Variants in SEC23B observed in about 807,000 individuals in gnomAD.
The protein encoded by SEC23B is SEC23 homolog B, COPII component.
Under a neutral mutation model 104.3 loss-of-function variants are expected in SEC23B, and 77 were observed. That is an observed-to-expected ratio of 0.74 (90% CI 0.61 to 0.89). SEC23B has a LOEUF of 0.89. Among genes scored for constraint, SEC23B ranks in the 40% least tolerant of loss-of-function variants. The probability of loss-of-function intolerance (pLI) is 0.00; values close to 1 mark genes in which losing one functional copy is unlikely to be tolerated. For synonymous variants in SEC23B, 338 were observed against 332.5 expected, an observed-to-expected ratio of 1.02 and a Z score of -0.18; for missense variants, 885 against 949.4, an observed-to-expected ratio of 0.93 and a Z score of 0.89.
chr20:18,550,280 G>C (rs1478308971), intron 16 of SEC23B, among the ~76,000 whole-genome samples: 1 of 151,860 alleles, frequency 6.6e-6, no homozygotes, highest in Non-Finnish European at 1.5e-5. Context: ...TCAGCCTCCT[G>C]AATAGCTGGG....
chr20:18,530,943 A>G (rs2060181819), intron 10 of SEC23B, 140 bp downstream of exon 10: 3 of 652,276 alleles, frequency 4.6e-6, no homozygotes, highest in South Asian at 3.8e-5. Context: ...GTACCTGGCC[A>G]TACTTTTAAA....
chr20:18,529,530 C>T (rs2060164364), intron 9 of SEC23B, among the ~76,000 whole-genome samples: 1 of 152,144 alleles, frequency 6.6e-6, no homozygotes, highest in African/African-American at 2.4e-5. Context: ...TTGCTTTCGT[C>T]ATCATTACGG....
At chr20:18,516,816 G>A (rs892162182) in intron 4 of SEC23B, among the ~76,000 whole-genome samples, 1 of 151,948 alleles carries the variant, frequency 6.6e-6, no homozygotes, top group African/African-American at 2.4e-5. Context: ...GCTTCCGAAA[G>A]TGCTGGGATT....
chr20:18,533,400 C>T (rs559504715), intron 11 of SEC23B, among the ~76,000 whole-genome samples: 3 of 152,302 alleles, frequency 2.0e-5, no homozygotes, highest in Admixed American at 6.5e-5. Context: ...ATGTTCTTCC[C>T]TCATTGTCAC....
rs1275129516 is a variant in SEC23B at position 18,542,412 on chromosome 20, C to A, written c.1511+10C>A. ...CCACCATCGCCCGAAAGTAAGCAGC[C>A]CCAGTTTCCTTTCTGTTGAGGAACT... On this transcript the variant is annotated intron_variant, in intron 13 of 19. Transcript: ENST00000650089. 2.5e-6 allele frequency: 4 copies of A among 1,608,074 alleles called. No homozygotes were observed. In the South Asian group the frequency reaches 4.4e-5, roughly 18 times the overall value.
intron 19 of SEC23B, among the ~76,000 whole-genome samples, chr20:18,559,443 T>A (rs531675950): frequency 1.3e-5 from 2 of 152,280 alleles, no homozygotes; most frequent in South Asian, 4.1e-4. Context: ...AACTTCCTGG[T>A]TCCATACTTA....
chr20:18,540,884 A>G (rs1294017273), intron 12 of SEC23B, among the ~76,000 whole-genome samples: 3 of 152,198 alleles, frequency 2.0e-5, no homozygotes, highest in African/African-American at 7.2e-5. Context: ...CACCAGCTGC[A>G]TTAGATCCTA....
intron 16 of SEC23B, among the ~76,000 whole-genome samples, chr20:18,550,473 A>T (rs991947685): frequency 1.3e-5 from 2 of 152,182 alleles, no homozygotes; most frequent in Admixed American, 1.3e-4. Flanking sequence ...TATATTTTGT[A>T]GTAAACTTTA....
At position 18,515,671 on chromosome 20, in the gene SEC23B, A is replaced by G. The variant is rs754320262; in HGVS notation, c.301A>G (p.Ile101Val). Residue 101 changes from isoleucine to valine, a missense_variant, in exon 4 of 20, where the codon ATA (isoleucine) becomes GTA (valine). Physicochemically the swap from Ile to Val is conservative, Grantham distance 29. Transcript: ENST00000650089. Reference protein sequence around the residue: ...RNQFPPAYGGISEVNQPAELM... With the variant: ...RNQFPPAYGGVSEVNQPAELM... ...TCAGTTTCCTCCAGCTTATGGAGGC[A>G]TATCTGAGGTGAATCAACCTGCCGA... is the stretch of plus-strand genomic sequence containing the variant. The G allele has an allele frequency of 1.3e-5, 21 of 1,609,744 alleles. No homozygotes were observed. In the East Asian group the frequency reaches 2.0e-4, roughly 15 times the overall value.
intron 14 of SEC23B, among the ~76,000 whole-genome samples, chr20:18,545,248 G>C (rs1251625450): frequency 6.6e-6 from 1 of 152,120 alleles, no homozygotes; most frequent in South Asian, 2.1e-4. Flanking sequence ...CCACAGTTAG[G>C]GGGAGGAGGA....
At chr20:18,538,736 A>G (rs1283819827) in intron 12 of SEC23B, among the ~76,000 whole-genome samples, 7 of 152,140 alleles carry the variant, frequency 4.6e-5, no homozygotes, top group Non-Finnish European at 2.9e-5. Context: ...TTTATGTAAT[A>G]TTGTAAATCT....
intron 19 of SEC23B, among the ~76,000 whole-genome samples, chr20:18,556,949 T>C (rs1333346757): frequency 1.3e-5 from 2 of 152,186 alleles, no homozygotes; most frequent in African/African-American, 4.8e-5. Context: ...TAAGCTGAGA[T>C]CACGCCACTG....
chr20:18,556,282 G>A (rs920280037), intron 19 of SEC23B, among the ~76,000 whole-genome samples: 1 of 152,152 alleles, frequency 6.6e-6, no homozygotes, highest in African/African-American at 2.4e-5. Context: ...TAAAGTGTAT[G>A]GGAGGGTATG....
intron 5 of SEC23B, 40 bp from the exon 6 acceptor site, chr20:18,524,895 G>GTCATTGGAAA: frequency 1.2e-6 from 2 of 1,600,052 alleles, no homozygotes; most frequent in Middle Eastern, 3.3e-4. Flanking sequence ...CACTTTTAGT[G>GTCATTGGAAA]TCATTGGAAA....
intron 8 of SEC23B, among the ~76,000 whole-genome samples, chr20:18,527,283 A>G (rs2060142260): frequency 6.6e-6 from 1 of 152,162 alleles, no homozygotes. Context: ...AATCCCAGCT[A>G]CTTGGGAGGC....
intron 6 of SEC23B, 116 bp from the exon 7 acceptor site, chr20:18,525,672 C>T: frequency 9.1e-7 from 1 of 1,102,956 alleles, no homozygotes; most frequent in Non-Finnish European, 1.4e-6. Flanking sequence ...AAAAAATTAC[C>T]AGTCAGTTAC....
In SEC23B at chr20:18,510,957, T is replaced by C. The variant is rs1476002193; in HGVS notation, c.122T>C (p.Leu41Pro). The change falls in exon 2 of 20, where the codon CTC becomes CCC. Residue 41 changes from leucine to proline, a missense_variant. Transcript: ENST00000650089. ...ATRMVVPLAC[L>P]LTPLKERPDL... ...AGAATGGTTGTACCCCTGGCTTGTC[T>C]CCTTACTCCTTTGAAAGAACGTCCA... The C allele has an allele frequency of 1.9e-6, 3 of 1,614,044 alleles. No homozygotes were observed. Among genetic ancestry groups the C allele is most frequent in the Non-Finnish European group, 2.5e-6 (3 of 1,180,012 alleles).
rs1229685001 is a variant in SEC23B at position 18,525,800 on chromosome 20, T to C, written c.702T>C (p.Pro234=). Residue 234 remains proline, a synonymous_variant, in exon 7 of 20, where the codon CCT becomes CCC. Transcript: ENST00000650089. Reference sequence around the variant, plus strand: ...TAAAATCTTGCAGATTTCTGCAGCCTGTTCACAAGATTGATATGAACCTCA... The same window carrying C: ...TAAAATCTTGCAGATTTCTGCAGCCCGTTCACAAGATTGATATGAACCTCA... ...HPFASSRFLQ[P]VHKIDMNLTD... is the part of the protein sequence containing the mutation. 6.2e-7 allele frequency: 1 copy of C among 1,614,114 alleles called. No homozygotes were observed. Among genetic ancestry groups the C allele is most frequent in the Non-Finnish European group, 8.5e-7 (1 of 1,180,044 alleles).
rs746178060 is a variant in SEC23B, at chr20:18,526,370, T to G, written c.835-3T>G. On this transcript the variant is annotated splice_polypyrimidine_tract_variant and splice_region_variant and intron_variant, in intron 7 of 19. Transcript: ENST00000650089. ...TCTAACATGCTGCCATTCGCTATTTTAGGGCACTTTTCCAAACACAGGAGC... is the reference window on the plus strand; with the variant it reads ...TCTAACATGCTGCCATTCGCTATTTGAGGGCACTTTTCCAAACACAGGAGC... 2 of 1,614,110 alleles carry G rather than the reference T, an allele frequency of 1.2e-6. No individual in the cohort carries two copies.
Sources: gnomAD v4.1 joint callset for allele counts (sites outside exome capture counted in the v4.1 genomes callset) on GRCh38, gnomAD v4.1.1 for gene constraint, MANE v1.5 for transcripts, NCBI Gene and HGNC (gene_info 2026-07-23, HGNC 2026-07-21) for gene names.